TRIM21: variants seen among roughly 807,000 people sequenced by gnomAD.
The protein encoded by TRIM21 is tripartite motif containing 21, also known as E3 ubiquitin-protein ligase TRIM21.
TRIM21 carries 35 observed loss-of-function variants against 36.1 expected under a neutral mutation model. The observed-to-expected ratio is 0.97, with a 90% CI of 0.74 to 1.28. The LOEUF (loss-of-function observed/expected upper bound fraction) is 1.28, where lower values mean the gene tolerates loss of function less well. Ranked by LOEUF, TRIM21 falls within the 50% of genes most tolerant of loss-of-function variation. The pLI, the probability that TRIM21 is intolerant of heterozygous loss-of-function variation, is 0.00. For missense variants in TRIM21, 635 were observed against 570.7 expected, an observed-to-expected ratio of 1.11 and a Z score of -1.15; for synonymous variants, 256 against 211.5, an observed-to-expected ratio of 1.21 and a Z score of -1.83.
At chr11:4,393,006 A>G (rs2133055139) in intron 1 of TRIM21, among the ~76,000 whole-genome samples, 1 of 152,318 alleles carries the variant, frequency 6.6e-6, no homozygotes, top group East Asian at 1.9e-4. Context: ...ATGTAGGTGT[A>G]TATGTATGTA....
intron 1 of TRIM21, among the ~76,000 whole-genome samples, chr11:4,391,802 T>C (rs959205875): frequency 6.6e-6 from 1 of 152,238 alleles, no homozygotes; most frequent in Non-Finnish European, 1.5e-5. Flanking sequence ...GAGGTCATTA[T>C]GTTAGGTGAA....
chr11:4,390,941 C>G (rs1459391171), intron 1 of TRIM21, among the ~76,000 whole-genome samples: 1 of 152,136 alleles, frequency 6.6e-6, no homozygotes, highest in East Asian at 1.9e-4. Context: ...GGATTAAAGA[C>G]TTAAATCTAA....
At chr11:4,388,679 A>G (rs539753972) in intron 3 of TRIM21, 149 bp from the exon 4 acceptor site, 382 of 461,750 alleles carry the variant, frequency 8.3e-4, no homozygotes, top group Middle Eastern at 4.5e-3. Flanking sequence ...ACACGCGCGC[A>G]CACACACACA....
Position 4,389,692 on chromosome 11 carries a change from A to G in TRIM21, c.466T>C (p.Leu156=). 1 of 1,613,516 alleles carries G rather than the reference A, an allele frequency of 6.2e-7. No individual in the cohort carries two copies. The highest frequency in any genetic ancestry group is 8.5e-7 in the Non-Finnish European group (1 of 1,179,788). The part of the protein sequence containing the change: ...LRRKQELAEK[L]EVEIAIKRAD... ...CTCTTTATTGCAATTTCCACTTCCA[A>G]CTTCTCAGCCAACTCCTGCTTTCTT... is the stretch of plus-strand genomic sequence containing the variant. Residue 156 remains leucine (L), a synonymous_variant, in exon 3 of 7, where the codon TTG becomes CTG. Transcript: ENST00000254436.
chr11:4,385,998 GCCTTGGTCCTGA>G lies in TRIM21; in HGVS notation c.859+147_860-146del, dbSNP rs1455542961. 4 of 1,092,772 alleles carry G rather than the reference GCCTTGGTCCTGA, an allele frequency of 3.7e-6. No individual in the cohort carries two copies. In the African/African-American group the frequency reaches 6.3e-5, roughly 17 times the overall value. The allele number at this position is 1,092,772 out of a possible 1,614,324, so 67.7% of individuals were successfully genotyped here. On this transcript the variant is annotated intron_variant, in intron 6 of 6. Coordinates refer to ENST00000254436, the MANE Select transcript of TRIM21 (RefSeq NM_003141.4). ...AGGAAATGACCATCAGCCAGTTCTG[GCCTTGGTCCTGA>G]CCTCTGAAGAAACCATCTTCCTTAC... is the stretch of plus-strand genomic sequence containing the variant.
intron 1 of TRIM21, among the ~76,000 whole-genome samples, chr11:4,390,900 G>A (rs1266770015): frequency 1.3e-5 from 2 of 152,180 alleles, no homozygotes; most frequent in Non-Finnish European, 2.9e-5. Context: ...ACACTCCTAT[G>A]TCTCACCGTA....
intron 1 of TRIM21, among the ~76,000 whole-genome samples, chr11:4,392,065 TAA>T (rs1312285321): frequency 1.3e-5 from 2 of 152,068 alleles, no homozygotes; most frequent in African/African-American, 4.8e-5. Context: ...ACATTAAAAA[TAA>T]GAGTATAATT....
Position 4,385,688 on chromosome 11 carries a change from T to A in TRIM21, c.1025A>T (p.His342Leu). Residue 342 changes from histidine (H) to leucine (L), a missense_variant, in exon 7 of 7, where the codon CAT becomes CTT. Physicochemically the swap from His to Leu is moderately conservative, Grantham distance 99. Coordinates refer to ENST00000254436, the MANE Select transcript of TRIM21 (RefSeq NM_003141.4). Reference protein sequence around the residue: ...LGAQHFHSGKHYWEVDVTGKE... With the variant: ...LGAQHFHSGKLYWEVDVTGKE... ...TCCTGTCACATCTACCTCCCAGTAATGTTTTCCAGAGTGAAAGTGCTGGGC... is the reference window on the plus strand; with the variant it reads ...TCCTGTCACATCTACCTCCCAGTAAAGTTTTCCAGAGTGAAAGTGCTGGGC... The A allele has an allele frequency of 6.2e-7, 1 of 1,613,438 alleles. No individual in the cohort carries two copies. The highest frequency in any genetic ancestry group is 8.5e-7 in the Non-Finnish European group (1 of 1,179,678).
At position 4,385,656 on chromosome 11, in the gene TRIM21, C is replaced by A; in HGVS notation, c.1057G>T (p.Ala353Ser). ...YWEVDVTGKE[A>S]WDLGVCRDSV... ...TCTCTGCAGACACCCAGGTCCCAGG[C>A]CTCCTTTCCTGTCACATCTACCTCC... Residue 353 changes from alanine to serine, a missense_variant, in exon 7 of 7, where the codon GCC becomes TCC. By Grantham distance (99) the Ala-to-Ser change is moderately conservative. Coordinates refer to ENST00000254436, the MANE Select transcript of TRIM21 (RefSeq NM_003141.4). 1 of 1,613,190 alleles carries A rather than the reference C, an allele frequency of 6.2e-7. No homozygotes were observed. The highest frequency in any genetic ancestry group is 8.5e-7 in the Non-Finnish European group (1 of 1,179,592).
chr11:4,389,763 CA>C lies in TRIM21; in HGVS notation c.409-15del. ...CTGGAGCTTCTCCTGCAGAGAAAGA[CA>C]GCTTATTCGTCCCCCATGCAAACCA... is the stretch of plus-strand genomic sequence containing the variant. On this transcript the variant is annotated splice_polypyrimidine_tract_variant and intron_variant, in intron 2 of 6. Transcript: ENST00000254436. 1 of 1,612,532 alleles carries C rather than the reference CA, an allele frequency of 6.2e-7. No homozygotes were observed. The highest frequency in any genetic ancestry group is 1.1e-5 in the South Asian group (1 of 91,054).
chr11:4,389,640 G>A lies in TRIM21; in HGVS notation c.504+14C>T, dbSNP rs370527238. 1 of 1,609,268 alleles carries A rather than the reference G, an allele frequency of 6.2e-7. No individual in the cohort carries two copies. The highest frequency in any genetic ancestry group is 1.3e-5 in the African/African-American group (1 of 74,788). ...CCTTCCAGCCTAAGATCTCCTTCAG[G>A]ATGTCATTCTTACCTTCCAGTCTGC... is the stretch of plus-strand genomic sequence containing the variant. On this transcript the variant is annotated intron_variant, in intron 3 of 6. Coordinates refer to ENST00000254436, the MANE Select transcript of TRIM21 (RefSeq NM_003141.4).
rs145832441 is a variant in TRIM21, at chr11:4,388,677, GCACA to G, written c.505-151_505-148del. On this transcript the variant is annotated intron_variant, in intron 3 of 6. Transcript: ENST00000254436. ...CACACACATGCACACGCACACGCGC[GCACA>G]CACACACACACACAATTTTGCTTGG... 2.4e-4 allele frequency: 156 copies of G among 661,348 alleles called. 1 individual carries two copies. Among genetic ancestry groups the G allele is most frequent in the South Asian group, 1.2e-3 (66 of 53,554 alleles). 41.0% of individuals were successfully genotyped at this position (661,348 alleles called of 1,614,324 possible).
At position 4,390,097 on chromosome 11, in the gene TRIM21, T is replaced by C; in HGVS notation, c.313A>G (p.Lys105Glu). ...ACCCAGCAAAGGGCCTTCCCATCTT[T>C]CTCACAGAACAGGTGAAGTCTCTCT... ...HGERLHLFCE[K>E]DGKALCWVCA... Residue 105 changes from lysine (K) to glutamate (E), a missense_variant, in exon 2 of 7, where the codon AAA (lysine) becomes GAA (glutamate). Coordinates refer to ENST00000254436, the MANE Select transcript of TRIM21 (RefSeq NM_003141.4). 6.2e-7 allele frequency: 1 copy of C among 1,613,970 alleles called. No homozygotes were observed. The highest frequency in any genetic ancestry group is 1.7e-5 in the Admixed American group (1 of 60,016).
At chr11:4,386,052 C>A in intron 6 of TRIM21, 105 bp downstream of exon 6, 1 of 1,189,008 alleles carries the variant, frequency 8.4e-7, no homozygotes, top group Non-Finnish European at 1.2e-6. Flanking sequence ...CTCTGTTCCC[C>A]CTGCTCTGAC....
In TRIM21 at chr11:4,388,654, C is replaced by T. The variant is rs2094959282; in HGVS notation, c.505-124G>A. On this transcript the variant is annotated intron_variant, in intron 3 of 6. Transcript: ENST00000254436. ...ACTCTGTGCTGTCTGGGAAAACACA[C>T]ACACATGCACACGCACACGCGCGCA... is the stretch of plus-strand genomic sequence containing the variant. 5.7e-6 allele frequency: 5 copies of T among 870,080 alleles called. No homozygotes were observed. The East Asian group carries it at 7.3e-5, about 13-fold the overall frequency. The allele number at this position is 870,080 out of a possible 1,614,324, so 53.9% of individuals were successfully genotyped here.
Position 4,385,379 on chromosome 11 carries a change from A to G in TRIM21, c.1334T>C (p.Phe445Ser). 1 of 1,613,832 alleles carries G rather than the reference A, an allele frequency of 6.2e-7. No homozygotes were observed. Among genetic ancestry groups the G allele is most frequent in the Non-Finnish European group, 8.5e-7 (1 of 1,179,864 alleles). The change falls in exon 7 of 7, where the codon TTC becomes TCC. Residue 445 changes from phenylalanine to serine, a missense_variant. Physicochemically the swap from Phe to Ser is radical, Grantham distance 155. Transcript: ENST00000254436. ...ECAFTGPLRP[F>S]FSPGFNDGGK... ...TCCATCATTGAAACCAGGACTGAAG[A>G]AGGGCCGCAGAGGTCCTGTAAAGGC...
chr11:4,390,286 G>T lies in TRIM21; in HGVS notation c.124C>A (p.Gln42Lys). Residue 42 changes from glutamine to lysine, a missense_variant, in exon 2 of 7, where the codon CAG becomes AAG. Gln to Lys is a moderately conservative substitution (Grantham distance 53). Coordinates refer to ENST00000254436, the MANE Select transcript of TRIM21 (RefSeq NM_003141.4). ...GHSFCQECIS[Q>K]VGKGGGSVCP... Reference sequence around the variant, plus strand: ...ACGCTGCCCCCACCTTTCCCAACCTGAGAGATGCATTCCTGGCAGAAGCTG... The same window carrying T: ...ACGCTGCCCCCACCTTTCCCAACCTTAGAGATGCATTCCTGGCAGAAGCTG... The T allele has an allele frequency of 6.2e-7, 1 of 1,613,990 alleles. No individual in the cohort carries two copies. Among genetic ancestry groups the T allele is most frequent in the Non-Finnish European group, 8.5e-7 (1 of 1,179,888 alleles).
Position 4,390,323 on chromosome 11 carries a change from G to C in TRIM21, c.87C>G (p.Ile29Met). Reference protein sequence around the residue: ...CLDPFVEPVSIECGHSFCQEC... With the variant: ...CLDPFVEPVSMECGHSFCQEC... ...CCTGGCAGAAGCTGTGGCCACACTC[G>C]ATGCTCACAGGCTCCACGAAGGGGT... The change falls in exon 2 of 7, where the codon ATC (isoleucine) becomes ATG (methionine). Residue 29 changes from isoleucine (I) to methionine (M), a missense_variant. By Grantham distance (10) the Ile-to-Met change is conservative. Transcript: ENST00000254436. The C allele has an allele frequency of 3.7e-6, 6 of 1,613,922 alleles. No individual in the cohort carries two copies. The highest frequency in any genetic ancestry group is 5.1e-6 in the Non-Finnish European group (6 of 1,179,880).
Position 4,390,067 on chromosome 11 carries a change from C to G in TRIM21, c.343G>C (p.Ala115Pro). 6.2e-7 allele frequency: 1 copy of G among 1,614,036 alleles called. No individual in the cohort carries two copies. Among genetic ancestry groups the G allele is most frequent in the East Asian group, 2.2e-5 (1 of 44,882 alleles). Residue 115 changes from alanine to proline, a missense_variant, in exon 2 of 7, where the codon GCC (alanine) becomes CCC (proline). By Grantham distance (27) the Ala-to-Pro change is conservative. Transcript: ENST00000254436. ...KDGKALCWVCAQSRKHRDHAM... is the reference protein window; with the variant it reads ...KDGKALCWVCPQSRKHRDHAM... ...TGGTCACGGTGTTTCCGAGACTGGG[C>G]ACATACCCAGCAAAGGGCCTTCCCA...
Sources: allele counts gnomAD v4.1 joint callset (sites outside exome capture counted in the v4.1 genomes callset), GRCh38; gene constraint gnomAD v4.1.1; transcripts MANE v1.5; gene names NCBI Gene and HGNC (gene_info 2026-07-23, HGNC 2026-07-21).